CNTNAP2: variants seen among roughly 807,000 people sequenced by gnomAD.
The protein encoded by CNTNAP2 is contactin associated protein 2.
A neutral mutation model predicts 155.2 loss-of-function variants in CNTNAP2; 98 were observed. That is an observed-to-expected ratio of 0.63 (90% CI 0.54 to 0.75). CNTNAP2 has a LOEUF of 0.75. Ranked by LOEUF, CNTNAP2 falls within the 30% of genes least tolerant of loss-of-function variation. CNTNAP2 has a pLI of 0.00. For synonymous variants in CNTNAP2, 651 were observed against 631.2 expected (o/e 1.03, Z -0.47); for missense variants, 1,727 against 1,688.1 (o/e 1.02, Z -0.40).
intron 3 of CNTNAP2, among the ~76,000 whole-genome samples, chr7:146,904,838 CA>C (rs2129214655): frequency 6.6e-6 from 1 of 152,238 alleles, no homozygotes; most frequent in Admixed American, 6.5e-5. Flanking sequence ...GTGCTGCTCA[CA>C]AAGTTCAATG....
intron 13 of CNTNAP2, among the ~76,000 whole-genome samples, chr7:147,717,070 A>G (rs1293919633): frequency 6.6e-6 from 1 of 152,038 alleles, no homozygotes; most frequent in Non-Finnish European, 1.5e-5. Context: ...GAATTCTTGG[A>G]GCTTATCACC....
chr7:147,939,777 A>G (rs1432392457), intron 14 of CNTNAP2, among the ~76,000 whole-genome samples: 6 of 151,328 alleles, frequency 4.0e-5, no homozygotes, highest in African/African-American at 1.5e-4. Context: ...TCCATTTCCA[A>G]TCTCTCTTTC....
chr7:147,072,061 G>A (rs1032566978), intron 4 of CNTNAP2, among the ~76,000 whole-genome samples: 2 of 152,114 alleles, frequency 1.3e-5, no homozygotes, highest in Non-Finnish European at 2.9e-5. Context: ...GGTAATAGAA[G>A]CCAACGGAAA....
At chr7:146,942,876 C>T (rs1037887761) in intron 3 of CNTNAP2, among the ~76,000 whole-genome samples, 3 of 152,080 alleles carry the variant, frequency 2.0e-5, no homozygotes, top group African/African-American at 7.2e-5. Flanking sequence ...CCTTACTATT[C>T]CACCTTTTAT....
chr7:146,555,606 G>A (rs920946161), intron 1 of CNTNAP2, among the ~76,000 whole-genome samples: 1 of 152,116 alleles, frequency 6.6e-6, no homozygotes, highest in African/African-American at 2.4e-5. Flanking sequence ...ATTGTAGACT[G>A]TAGGAGAGGT....
intron 1 of CNTNAP2, among the ~76,000 whole-genome samples, chr7:146,270,220 ATTTTGTATAGAATTC>A (rs1800059119): frequency 6.6e-6 from 1 of 152,164 alleles, no homozygotes; most frequent in African/African-American, 2.4e-5. Flanking sequence ...TATGTATAGA[ATTTTGTATAGAATTC>A]TTTTGTATAG....
chr7:146,516,137 T>G (rs201930671), intron 1 of CNTNAP2, among the ~76,000 whole-genome samples: 1 of 151,962 alleles, frequency 6.6e-6, no homozygotes, highest in East Asian at 1.9e-4. Flanking sequence ...AGAGTAGCTG[T>G]GTTCTGGTTA....
chr7:147,736,896 C>T (rs1469760758), intron 13 of CNTNAP2, among the ~76,000 whole-genome samples: 2 of 152,156 alleles, frequency 1.3e-5, no homozygotes, highest in African/African-American at 4.8e-5. Context: ...GACTTCTCTG[C>T]ATTGGTTATT....
chr7:148,082,705 A>G (rs1006887827), intron 15 of CNTNAP2, among the ~76,000 whole-genome samples: 2 of 152,016 alleles, frequency 1.3e-5, no homozygotes, highest in African/African-American at 4.8e-5. Flanking sequence ...TTTGTGACAG[A>G]GTCTCACTCT....
intron 1 of CNTNAP2, among the ~76,000 whole-genome samples, chr7:146,574,894 T>A (rs1036994152): frequency 3.3e-5 from 5 of 152,252 alleles, no homozygotes; most frequent in Admixed American, 2.0e-4. Flanking sequence ...CTACCAGAGG[T>A]GGCTACCCGT....
At chr7:147,295,091 A>G (rs1442860340) in intron 8 of CNTNAP2, among the ~76,000 whole-genome samples, 2 of 152,228 alleles carry the variant, frequency 1.3e-5, no homozygotes, top group Non-Finnish European at 2.9e-5. Context: ...AATGCTGTAC[A>G]AATACTAATA....
chr7:147,770,293 C>T (rs1237128106), intron 13 of CNTNAP2, among the ~76,000 whole-genome samples: 1 of 152,064 alleles, frequency 6.6e-6, no homozygotes, highest in Non-Finnish European at 1.5e-5. Flanking sequence ...AAATTATTTC[C>T]TTGCCTAAAA....
intron 8 of CNTNAP2, among the ~76,000 whole-genome samples, chr7:147,148,554 C>T (rs933153924): frequency 9.9e-5 from 15 of 152,168 alleles, no homozygotes; most frequent in Non-Finnish European, 5.9e-5. Context: ...TCGCTGACTT[C>T]GAGAATGAAG....
In CNTNAP2 at chr7:146,248,398, G is replaced by T. The variant is rs569038956; in HGVS notation, c.97+131425G>T. On this transcript the variant is annotated intron_variant, in intron 1 of 23. Coordinates refer to ENST00000361727, the MANE Select transcript of CNTNAP2 (RefSeq NM_014141.6). ...AGGACCAAGGCAGGCATCCCTGCGTGGTCTGACACCTCTGAAACCTGGGTG... is the reference window on the plus strand; with the variant it reads ...AGGACCAAGGCAGGCATCCCTGCGTTGTCTGACACCTCTGAAACCTGGGTG... Among the ~76,000 whole-genome samples the T allele has an allele frequency of 3.9e-5, 6 of 152,216 alleles. No individual in the cohort carries two copies. In the South Asian group the frequency reaches 1.2e-3, roughly 32 times the overall value.
chr7:146,382,266 C>A (rs535703305), intron 1 of CNTNAP2, among the ~76,000 whole-genome samples: 1 of 152,076 alleles, frequency 6.6e-6, no homozygotes, highest in African/African-American at 2.4e-5. Flanking sequence ...GAAGCAGGTG[C>A]AATCGAACAG....
intron 4 of CNTNAP2, chr7:147,082,514 A>G (rs1410291080): frequency 6.6e-6 from 1 of 152,144 alleles, no homozygotes; most frequent in Non-Finnish European, 1.5e-5. Context: ...AAAAGCTGCA[A>G]TTTGTATCAC....
intron 1 of CNTNAP2, among the ~76,000 whole-genome samples, chr7:146,367,863 T>A (rs1795177606): frequency 1.3e-5 from 2 of 152,106 alleles, no homozygotes; most frequent in Non-Finnish European, 1.5e-5. Context: ...CCACAAACTA[T>A]GATTCTGTGT....
At chr7:148,317,740 G>T (rs1000883426) in intron 21 of CNTNAP2, among the ~76,000 whole-genome samples, 2 of 149,974 alleles carry the variant, frequency 1.3e-5, no homozygotes, top group African/African-American at 2.5e-5. Flanking sequence ...TTGCTCTTTC[G>T]CCCAGGCTGA....
chr7:146,779,133 T>A (rs1267176716), intron 2 of CNTNAP2, among the ~76,000 whole-genome samples: 1 of 152,280 alleles, frequency 6.6e-6, no homozygotes, highest in Admixed American at 6.5e-5. Flanking sequence ...AGACCCCTGT[T>A]TCCAACTTGC....
Sources: gnomAD v4.1 joint callset for allele counts (sites outside exome capture counted in the v4.1 genomes callset) on GRCh38, gnomAD v4.1.1 for gene constraint, MANE v1.5 for transcripts, NCBI Gene and HGNC (gene_info 2026-07-23, HGNC 2026-07-21) for gene names.